MYC: variants seen among roughly 807,000 people sequenced by gnomAD.
MYC encodes MYC proto-oncogene, bHLH transcription factor, also known as myc proto-oncogene protein.
A neutral mutation model predicts 30.5 loss-of-function variants in MYC; 1 was observed. The ratio of observed to expected loss-of-function variants is 0.03; its 90% CI spans 0.01 to 0.16. The LOEUF (loss-of-function observed/expected upper bound fraction) is 0.16, where lower values mean the gene tolerates loss of function less well. Ranked by LOEUF, MYC falls within the 10% of genes least tolerant of loss-of-function variation. The pLI is 1.00. For missense variants in MYC, 508 were observed against 589.0 expected (o/e 0.86, Z 1.42); for synonymous variants, 267 against 250.7 (o/e 1.07, Z -0.62).
In MYC at chr8:127,742,432, G is replaced by A. The variant is rs939259613; in HGVS notation, c.*1474G>A. 2.6e-5 allele frequency among the ~76,000 whole-genome samples: 4 copies of A among 152,186 alleles called. No homozygotes were observed. The highest frequency in any genetic ancestry group is 7.2e-5 in the African/African-American group (3 of 41,448). ...CAGGAGTTACAGTCCAGTGGGTTAT[G>A]TTTTTTAAGTCTCAACATCTAAGCC... is the stretch of plus-strand genomic sequence containing the variant. On this transcript the variant is annotated 3_prime_UTR_variant, in exon 3 of 3. Coordinates refer to ENST00000621592, the MANE Select transcript of MYC (RefSeq NM_002467.6).
At chr8:127,736,795 G>A (rs529123559) in intron 1 of MYC, among the ~76,000 whole-genome samples, 172 bp downstream of exon 1, 1 of 152,260 alleles carries the variant, frequency 6.6e-6, no homozygotes, top group East Asian at 1.9e-4. Flanking sequence ...GAACTGGATC[G>A]GGGTAAAGTG....
In MYC at chr8:127,738,946, G is replaced by C. The variant is rs374701735; in HGVS notation, c.729G>C (p.Glu243Asp). ...CGGATTCTCTGCTCTCCTCGACGGA[G>C]TCCTCCCCGCAGGGCAGCCCCGAGC... The change falls in exon 2 of 3, where the codon GAG becomes GAC. Residue 243 changes from glutamate (E) to aspartate (D), a missense_variant. Around this residue, in one of 5 missense-constraint regions of MYC, gnomAD observed 364 missense variants for 381.1 expected, o/e 0.96. Coordinates refer to ENST00000621592, the MANE Select transcript of MYC (RefSeq NM_002467.6). The surrounding 1 kb of genome is among the most constrained non-coding windows in gnomAD (Gnocchi z 7.6). 7 of 1,597,900 alleles carry C rather than the reference G, an allele frequency of 4.4e-6. No individual in the cohort carries two copies.
At position 127,738,339 on chromosome 8, in the gene MYC, A is replaced by T. The variant is rs1395774855; in HGVS notation, c.122A>T (p.Asp41Val). The T allele has an allele frequency of 6.2e-7, 1 of 1,614,114 alleles. No individual in the cohort carries two copies. The change falls in exon 2 of 3, where the codon GAC becomes GTC. Residue 41 changes from aspartate (D) to valine (V), a missense_variant. Physicochemically the swap from Asp to Val is radical, Grantham distance 152. This residue lies in a region of MYC where 70 missense variants were observed against 84.5 expected (regional missense o/e 0.83). Coordinates refer to ENST00000621592, the MANE Select transcript of MYC (RefSeq NM_002467.6). The surrounding 1 kb of genome is among the most constrained non-coding windows in gnomAD (Gnocchi z 7.6). ...TCGGTGCAGCCGTATTTCTACTGCG[A>T]CGAGGAGGAGAACTTCTACCAGCAG...
Position 127,742,505 on chromosome 8 carries a change from T to A in MYC, c.*1547T>A, listed in dbSNP as rs1563759635. Among the ~76,000 whole-genome samples, 1 of 152,182 alleles carries A rather than the reference T, an allele frequency of 6.6e-6. No individual in the cohort carries two copies. The highest frequency in any genetic ancestry group is 2.4e-5 in the African/African-American group (1 of 41,442). ...TTTTTGTGATTTATTTTGTTTTTAT[T>A]TTGTTGTTCATTGTTTAATTTTTCC... is the stretch of plus-strand genomic sequence containing the variant. On this transcript the variant is annotated 3_prime_UTR_variant, in exon 3 of 3. Coordinates refer to ENST00000621592, the MANE Select transcript of MYC (RefSeq NM_002467.6).
chr8:127,740,923 C>G lies in MYC; in HGVS notation c.1330C>G (p.His444Asp). 3.8e-6 allele frequency: 6 copies of G among 1,592,360 alleles called. No individual in the cohort carries two copies. The highest frequency in any genetic ancestry group is 4.3e-6 in the Non-Finnish European group (5 of 1,172,168). The change falls in exon 3 of 3, where the codon CAC (histidine) becomes GAC (aspartate). Residue 444 changes from histidine (H) to aspartate (D), a missense_variant. This residue lies in a region of MYC where 31 missense variants were observed against 28.3 expected (regional missense o/e 1.09). Transcript: ENST00000621592. ...GCGGAAACGACGAGAACAGTTGAAA[C>G]ACAAACTTGAACAGCTACGGAACTC...
rs1416564094 is a variant in MYC at position 127,738,756 on chromosome 8, C to T, written c.539C>T (p.Ala180Val). 1.9e-6 allele frequency: 3 copies of T among 1,611,540 alleles called. No homozygotes were observed. Among genetic ancestry groups the T allele is most frequent in the Non-Finnish European group, 2.5e-6 (3 of 1,178,582 alleles). ...AAAGACAGCGGCAGCCCGAACCCCG[C>T]CCGCGGCCACAGCGTCTGCTCCACC... is the stretch of plus-strand genomic sequence containing the variant. Residue 180 changes from alanine (A) to valine (V), a missense_variant, in exon 2 of 3, where the codon GCC (alanine) becomes GTC (valine). Coordinates refer to ENST00000621592, the MANE Select transcript of MYC (RefSeq NM_002467.6). This position sits in a 1 kb window ranked among gnomAD's most constrained non-coding sequence, Gnocchi z 7.6.
chr8:127,740,906 G>T lies in MYC; in HGVS notation c.1313G>T (p.Arg438Leu). 1 of 1,601,746 alleles carries T rather than the reference G, an allele frequency of 6.2e-7. No homozygotes were observed. The change falls in exon 3 of 3, where the codon CGA becomes CTA. Residue 438 changes from arginine (R) to leucine (L), a missense_variant. Coordinates refer to ENST00000621592, the MANE Select transcript of MYC (RefSeq NM_002467.6). Reference sequence around the variant, plus strand: ...TCTGAAGAGGACTTGTTGCGGAAACGACGAGAACAGTTGAAACACAAACTT... The same window carrying T: ...TCTGAAGAGGACTTGTTGCGGAAACTACGAGAACAGTTGAAACACAAACTT...
At chr8:127,736,746 G>A (rs541331885) in intron 1 of MYC, 123 bp downstream of exon 1, 898 of 1,131,104 alleles carry the variant, frequency 7.9e-4, no homozygotes, top group Non-Finnish European at 1.0e-3. Flanking sequence ...TTTTCTCAGA[G>A]TAGTTATGGT....
rs370151476 is a variant in MYC at position 127,737,663 on chromosome 8, T to A, written c.31-585T>A. Reference sequence around the variant, plus strand: ...AAAGAAGAAAAGCTGGCAAAAGGAGTGTTGGACGGGGGCGGTACTGGGGGT... The same window carrying A: ...AAAGAAGAAAAGCTGGCAAAAGGAGAGTTGGACGGGGGCGGTACTGGGGGT... On this transcript the variant is annotated intron_variant, in intron 1 of 2. Transcript: ENST00000621592. Among the ~76,000 whole-genome samples the A allele has an allele frequency of 1.6e-4, 19 of 119,988 alleles. No individual in the cohort carries two copies. In the East Asian group the frequency reaches 2.7e-3, roughly 17 times the overall value. 78.7% of individuals were successfully genotyped at this position (119,988 alleles called of 152,430 possible).
Position 127,736,299 on chromosome 8 carries a change from G to T in MYC, c.-295G>T. Reference sequence around the variant, plus strand: ...GGCGGCCGGCTAGGGTGGAAGAGCCGGGCGAGCAGAGCTGCGCTGCGGGCG... The same window carrying T: ...GGCGGCCGGCTAGGGTGGAAGAGCCTGGCGAGCAGAGCTGCGCTGCGGGCG... On this transcript the variant is annotated 5_prime_UTR_variant, in exon 1 of 3. Transcript: ENST00000621592. 1.8e-6 allele frequency: 1 copy of T among 552,224 alleles called. No individual in the cohort carries two copies. Among genetic ancestry groups the T allele is most frequent in the East Asian group, 3.0e-5 (1 of 33,730 alleles). The allele number at this position is 552,224 out of a possible 1,614,324, so 34.2% of individuals were successfully genotyped here.
Position 127,738,877 on chromosome 8 carries a change from C to T in MYC, c.660C>T (p.Pro220=). The change falls in exon 2 of 3, where the codon CCC becomes CCT. Residue 220 remains proline, a synonymous_variant. Coordinates refer to ENST00000621592, the MANE Select transcript of MYC (RefSeq NM_002467.6). This position sits in a 1 kb window ranked among gnomAD's most constrained non-coding sequence, Gnocchi z 7.6. ...ACCCTCTCAACGACAGCAGCTCGCC[C>T]AAGTCCTGCGCCTCGCAAGACTCCA... 6.2e-7 allele frequency: 1 copy of T among 1,612,478 alleles called. No homozygotes were observed. The highest frequency in any genetic ancestry group is 1.1e-5 in the South Asian group (1 of 91,056).
rs746633360 is a variant in MYC, at chr8:127,738,373, G to A, written c.156G>A (p.Gln52=). Reference sequence around the variant, plus strand: ...AGAACTTCTACCAGCAGCAGCAGCAGAGCGAGCTGCAGCCCCCGGCGCCCA... The same window carrying A: ...AGAACTTCTACCAGCAGCAGCAGCAAAGCGAGCTGCAGCCCCCGGCGCCCA... Residue 52 remains glutamine (Q), a synonymous_variant, in exon 2 of 3, where the codon CAG becomes CAA. Transcript: ENST00000621592. This position sits in a 1 kb window ranked among gnomAD's most constrained non-coding sequence, Gnocchi z 7.6. 2 of 1,614,074 alleles carry A rather than the reference G, an allele frequency of 1.2e-6. No individual in the cohort carries two copies. The highest frequency in any genetic ancestry group is 1.7e-6 in the Non-Finnish European group (2 of 1,179,992).
rs1490644442 is a variant in MYC, at chr8:127,738,287, A to T, written c.70A>T (p.Asn24Tyr). 6.2e-7 allele frequency: 1 copy of T among 1,607,100 alleles called. No homozygotes were observed. Residue 24 changes from asparagine (N) to tyrosine (Y), a missense_variant, in exon 2 of 3, where the codon AAC becomes TAC. Asn to Tyr is a moderately radical substitution (Grantham distance 143). Coordinates refer to ENST00000621592, the MANE Select transcript of MYC (RefSeq NM_002467.6). This position sits in a 1 kb window ranked among gnomAD's most constrained non-coding sequence, Gnocchi z 7.6. ...GATGCCCCTCAACGTTAGCTTCACC[A>T]ACAGGAACTATGACCTCGACTACGA...
rs752344761 is a variant in MYC, at chr8:127,738,972, C to A, written c.755C>A (p.Pro252His). 1 of 1,561,430 alleles carries A rather than the reference C, an allele frequency of 6.4e-7. No homozygotes were observed. Among genetic ancestry groups the A allele is most frequent in the South Asian group, 1.2e-5 (1 of 84,384 alleles). ...TCCTCCCCGCAGGGCAGCCCCGAGC[C>A]CCTGGTGCTCCATGAGGAGACACCG... Residue 252 changes from proline to histidine, a missense_variant, in exon 2 of 3, where the codon CCC becomes CAC. Coordinates refer to ENST00000621592, the MANE Select transcript of MYC (RefSeq NM_002467.6). The surrounding 1 kb of genome is among the most constrained non-coding windows in gnomAD (Gnocchi z 7.6).
upstream of MYC, chr8:127,736,021 A>C (rs1813579807): frequency 2.6e-6 from 1 of 383,082 alleles, no homozygotes; most frequent in South Asian, 1.3e-4. Context: ...CTCTCTCGCT[A>C]ATCTCCGCCC....
Position 127,740,679 on chromosome 8 carries a change from C to T in MYC, c.1086C>T (p.Ser362=), listed in dbSNP as rs2130105221. 1 of 1,614,102 alleles carries T rather than the reference C, an allele frequency of 6.2e-7. No homozygotes were observed. The highest frequency in any genetic ancestry group is 1.1e-5 in the South Asian group (1 of 91,070). Residue 362 remains serine, a synonymous_variant, in exon 3 of 3, where the codon TCC becomes TCT. Transcript: ENST00000621592. Reference sequence around the variant, plus strand: ...ACCGAAAATGCACCAGCCCCAGGTCCTCGGACACCGAGGAGAATGTCAAGA... The same window carrying T: ...ACCGAAAATGCACCAGCCCCAGGTCTTCGGACACCGAGGAGAATGTCAAGA...
At chr8:127,740,178 C>T (rs552647364) in intron 2 of MYC, among the ~76,000 whole-genome samples, 2 of 152,142 alleles carry the variant, frequency 1.3e-5, no homozygotes, top group East Asian at 1.9e-4. Context: ...AGGATGGTCT[C>T]TCCTGACCTC....
rs2130095348 is a variant in MYC at position 127,738,652 on chromosome 8, C to G, written c.435C>G (p.Ile145Met). 1 of 1,614,016 alleles carries G rather than the reference C, an allele frequency of 6.2e-7. No individual in the cohort carries two copies. Among genetic ancestry groups the G allele is most frequent in the Non-Finnish European group, 8.5e-7 (1 of 1,179,950 alleles). Residue 145 changes from isoleucine to methionine, a missense_variant, in exon 2 of 3, where the codon ATC becomes ATG. By Grantham distance (10) the Ile-to-Met change is conservative. Coordinates refer to ENST00000621592, the MANE Select transcript of MYC (RefSeq NM_002467.6). This position sits in a 1 kb window ranked among gnomAD's most constrained non-coding sequence, Gnocchi z 7.6. Reference sequence around the variant, plus strand: ...AGACCTTCATCAAAAACATCATCATCCAGGACTGTATGTGGAGCGGCTTCT... The same window carrying G: ...AGACCTTCATCAAAAACATCATCATGCAGGACTGTATGTGGAGCGGCTTCT...
chr8:127,741,096 A>G lies in MYC; in HGVS notation c.*138A>G, dbSNP rs987235223. ...ACTGAAAGATTTAGCCATAATGTAA[A>G]CTGCCTCAAATTGGACTTTGGGCAT... On this transcript the variant is annotated 3_prime_UTR_variant, in exon 3 of 3. Coordinates refer to ENST00000621592, the MANE Select transcript of MYC (RefSeq NM_002467.6). 2.7e-6 allele frequency: 2 copies of G among 742,784 alleles called. No individual in the cohort carries two copies. The highest frequency in any genetic ancestry group is 2.8e-4 in the Middle Eastern group (1 of 3,632). The allele number at this position is 742,784 out of a possible 1,614,324, so 46.0% of individuals were successfully genotyped here.
Sources: allele counts gnomAD v4.1 joint callset (sites outside exome capture counted in the v4.1 genomes callset), GRCh38; gene constraint gnomAD v4.1.1; regional missense constraint gnomAD v4.1.1; non-coding constraint Gnocchi (gnomAD v3.1); transcripts MANE v1.5; gene names NCBI Gene and HGNC (gene_info 2026-07-23, HGNC 2026-07-21).